IST1: variants seen among roughly 807,000 people sequenced by gnomAD.
The protein encoded by IST1 is IST1 homolog.
Under a neutral mutation model 37.0 loss-of-function variants are expected in IST1, and 23 were observed. The observed-to-expected ratio is 0.62, with a 90% confidence interval of 0.45 to 0.88. The LOEUF is 0.88. Among genes scored for constraint, IST1 ranks in the 40% least tolerant of loss-of-function variants. IST1 has a pLI of 0.00. For missense variants in IST1, 488 were observed against 445.4 expected (o/e 1.10, Z -0.86); for synonymous variants, 180 against 161.7 (o/e 1.11, Z -0.86).
intron 1 of IST1, 122 bp from the exon 2 acceptor site, chr16:71,915,504 A>G (rs1276744142): frequency 3.2e-6 from 2 of 624,730 alleles, no homozygotes; most frequent in Non-Finnish European, 5.5e-6. Context: ...GAATTAGATC[A>G]TGTCATTTTC....
intron 1 of IST1, among the ~76,000 whole-genome samples, chr16:71,908,797 A>G (rs940007679): frequency 3.9e-5 from 6 of 152,124 alleles, no homozygotes; most frequent in Non-Finnish European, 7.4e-5. Flanking sequence ...CCTGCTGTGC[A>G]TCCAGGCTGG....
In IST1 at chr16:71,928,071, C is replaced by G; in HGVS notation, c.*258C>G. ...TTGTCCGTTTCCTGTCAGAGTGATC[C>G]CAGGTTTCCTCCTGGCCCGTCCCAT... On this transcript the variant is annotated 3_prime_UTR_variant, in exon 10 of 10. Transcript: ENST00000378799. 1 of 451,002 alleles carries G rather than the reference C, an allele frequency of 2.2e-6. No individual in the cohort carries two copies. The highest frequency in any genetic ancestry group is 4.1e-6 in the Non-Finnish European group (1 of 244,396). The allele number at this position is 451,002 out of a possible 1,614,324, so 27.9% of individuals were successfully genotyped here.
chr16:71,922,365 AAGCAC>A (rs1187825359), intron 6 of IST1, 104 bp from the exon 7 acceptor site: 1 of 875,772 alleles, frequency 1.1e-6, no homozygotes, highest in African/African-American at 1.7e-5. Context: ...TTGATCCCAG[AAGCAC>A]TCCAGTAAAC....
intron 9 of IST1, 81 bp from the exon 10 acceptor site, chr16:71,927,533 T>A (rs1410705278): frequency 9.8e-6 from 10 of 1,016,748 alleles, no homozygotes; most frequent in Middle Eastern, 4.2e-4. Flanking sequence ...TCCTGTGTTT[T>A]GATCATTTTA....
At chr16:71,905,951 T>A (rs2037213996) in intron 1 of IST1, among the ~76,000 whole-genome samples, 1 of 152,104 alleles carries the variant, frequency 6.6e-6, no homozygotes, top group African/African-American at 2.4e-5. Flanking sequence ...ATGTTCTGGG[T>A]TTCCTTCTGG....
Position 71,916,453 on chromosome 16 carries a change from G to T in IST1, c.89-9G>T, listed in dbSNP as rs1334342601. The T allele has an allele frequency of 1.9e-6, 3 of 1,611,620 alleles. No individual in the cohort carries two copies. Among genetic ancestry groups the T allele is most frequent in the Non-Finnish European group, 1.7e-6 (2 of 1,179,540 alleles). Reference sequence around the variant, plus strand: ...CTGCTGTGAGATCGGAGTGGGATTTGTGTCTTAGCGGAACTGGCCCAGAAA... The same window carrying T: ...CTGCTGTGAGATCGGAGTGGGATTTTTGTCTTAGCGGAACTGGCCCAGAAA... On this transcript the variant is annotated splice_polypyrimidine_tract_variant and intron_variant, in intron 2 of 9. Transcript: ENST00000378799.
At chr16:71,919,934 T>C (rs902615936) in intron 4 of IST1, among the ~76,000 whole-genome samples, 1 of 152,216 alleles carries the variant, frequency 6.6e-6, no homozygotes, top group African/African-American at 2.4e-5. Context: ...AGGCAATTTT[T>C]ACCTTCTGCA....
Position 71,931,090 on chromosome 16 carries a change from CTATT to C in IST1, c.*3279_*3282del, listed in dbSNP as rs1211021684. On this transcript the variant is annotated 3_prime_UTR_variant, in exon 10 of 10. Transcript: ENST00000378799. ...TTTTACTGTTTATTTTTTGTTTGCT[CTATT>C]TGTTTTTTAATGTTTTTTACTTTAT... 6.6e-6 allele frequency: 1 copy of C among 152,032 alleles called. No individual in the cohort carries two copies. The highest frequency in any genetic ancestry group is 1.5e-5 in the Non-Finnish European group (1 of 67,986). The allele number at this position is 152,032 out of a possible 1,614,324, so 9.4% of individuals were successfully genotyped here.
chr16:71,916,536 C>A lies in IST1; in HGVS notation c.163C>A (p.Arg55Ser), dbSNP rs375027858. 5 of 1,613,790 alleles carry A rather than the reference C, an allele frequency of 3.1e-6. No individual in the cohort carries two copies. The highest frequency in any genetic ancestry group is 4.2e-6 in the Non-Finnish European group (5 of 1,179,828). Residue 55 changes from arginine to serine, a missense_variant, in exon 3 of 10, where the codon CGT becomes AGT. Coordinates refer to ENST00000378799, the MANE Select transcript of IST1 (RefSeq NM_001270975.2). ...TGGGAAAGATGAACGAGCTCGGATC[C>A]GTGTGGAGCACATTATCCGGGAAGA... ...AAGKDERARI[R>S]VEHIIREDYL...
intron 1 of IST1, among the ~76,000 whole-genome samples, chr16:71,913,948 A>G (rs1050903906): frequency 6.6e-6 from 1 of 152,054 alleles, no homozygotes. Flanking sequence ...AGCTGGGATT[A>G]CAGGCATGCG....
At chr16:71,920,171 G>A (rs1159962180) in intron 4 of IST1, among the ~76,000 whole-genome samples, 1 of 152,200 alleles carries the variant, frequency 6.6e-6, no homozygotes, top group Non-Finnish European at 1.5e-5. Flanking sequence ...CTTATGAGAA[G>A]ACTTAGAAAA....
Position 71,929,430 on chromosome 16 carries a change from C to A in IST1, c.*1617C>A. 2 of 1,171,692 alleles carry A rather than the reference C, an allele frequency of 1.7e-6. No individual in the cohort carries two copies. Among genetic ancestry groups the A allele is most frequent in the Non-Finnish European group, 2.3e-6 (2 of 861,132 alleles). 72.6% of individuals were successfully genotyped at this position (1,171,692 alleles called of 1,614,324 possible). On this transcript the variant is annotated 3_prime_UTR_variant, in exon 10 of 10. Coordinates refer to ENST00000378799, the MANE Select transcript of IST1 (RefSeq NM_001270975.2). ...CTTGGGACCAAGGGGATTTTGATTC[C>A]TAACTTACAGAATTAAAAACAAAGT...
At chr16:71,902,915 G>T (rs1232123682) in intron 1 of IST1, among the ~76,000 whole-genome samples, 1 of 151,014 alleles carries the variant, frequency 6.6e-6, no homozygotes, top group Non-Finnish European at 1.5e-5. Flanking sequence ...CTTTCTTTTT[G>T]TTGTTTTTGC....
At chr16:71,914,630 T>C (rs2037430573) in intron 1 of IST1, among the ~76,000 whole-genome samples, 1 of 152,160 alleles carries the variant, frequency 6.6e-6, no homozygotes, top group Non-Finnish European at 1.5e-5. Flanking sequence ...TTCTTAAATG[T>C]AGGGTAAAGA....
At position 71,929,863 on chromosome 16, in the gene IST1, G is replaced by A. The variant is rs747137072; in HGVS notation, c.*2050G>A. ...GCGAGCCAACTATTTATAGGACAAT[G>A]GCTATAGAATATTATGTAGTCTTAT... is the stretch of plus-strand genomic sequence containing the variant. On this transcript the variant is annotated 3_prime_UTR_variant, in exon 10 of 10. Coordinates refer to ENST00000378799, the MANE Select transcript of IST1 (RefSeq NM_001270975.2). 15 of 959,126 alleles carry A rather than the reference G, an allele frequency of 1.6e-5. No individual in the cohort carries two copies. Among genetic ancestry groups the A allele is most frequent in the Non-Finnish European group, 2.3e-5 (15 of 662,272 alleles). 59.4% of individuals were successfully genotyped at this position (959,126 alleles called of 1,614,324 possible). A position where few individuals can be genotyped will look rare whatever the true frequency, so the allele number is the denominator to read the frequency against.
rs1370488011 is a variant in IST1, at chr16:71,927,924, A to C, written c.*111A>C. On this transcript the variant is annotated 3_prime_UTR_variant, in exon 10 of 10. Coordinates refer to ENST00000378799, the MANE Select transcript of IST1 (RefSeq NM_001270975.2). ...TTTCATCTGTTAACCGTCACTCAGC[A>C]CAACACTCCCTCTGGGCTCTCTTCC... The C allele has an allele frequency of 1.3e-6, 1 of 764,840 alleles. No homozygotes were observed. 47.4% of individuals were successfully genotyped at this position (764,840 alleles called of 1,614,324 possible).
Position 71,922,370 on chromosome 16 carries a change from C to T in IST1, c.553-104C>T, listed in dbSNP as rs1359122733. 3.3e-6 allele frequency: 3 copies of T among 917,182 alleles called. No individual in the cohort carries two copies. The African/African-American group carries it at 4.9e-5, about 15-fold the overall frequency. The allele number at this position is 917,182 out of a possible 1,614,324, so 56.8% of individuals were successfully genotyped here. A position where few individuals can be genotyped will look rare whatever the true frequency, so the allele number is the denominator to read the frequency against. On this transcript the variant is annotated intron_variant, in intron 6 of 9. Transcript: ENST00000378799. ...CCCACAGGTGTTGATCCCAGAAGCA[C>T]TCCAGTAAACTTGCTTTATGCTAAT... is the stretch of plus-strand genomic sequence containing the variant.
intron 5 of IST1, 49 bp downstream of exon 5, chr16:71,920,871 A>G (rs1419632504): frequency 7.6e-7 from 1 of 1,315,198 alleles, no homozygotes; most frequent in Non-Finnish European, 1.1e-6. Context: ...GGAGCAGTTT[A>G]TTGTACTGCT....
upstream of IST1, chr16:71,894,920 T>C (rs1348435195): frequency 8.5e-7 from 1 of 1,175,432 alleles, no homozygotes; most frequent in Non-Finnish European, 1.2e-6. Context: ...CCAGAGACTG[T>C]GGTGCTGAGG....
Sources: allele counts gnomAD v4.1 joint callset (sites outside exome capture counted in the v4.1 genomes callset), GRCh38; gene constraint gnomAD v4.1.1; transcripts MANE v1.5; gene names NCBI Gene and HGNC (gene_info 2026-07-23, HGNC 2026-07-21).